The following ANKRD11 variants were observed in gnomAD, a reference collection of about 807,000 sequenced individuals.
The protein encoded by ANKRD11 is ankyrin repeat domain-containing protein 11.
ANKRD11 carries 17 observed loss-of-function variants against 195.7 expected under a neutral mutation model. That is an observed-to-expected ratio of 0.09 (90% CI 0.06 to 0.13). The LOEUF is 0.13. Ranked by LOEUF, ANKRD11 falls within the 10% of genes least tolerant of loss-of-function variation. The pLI, the probability that ANKRD11 is intolerant of heterozygous loss-of-function variation, is 1.00. For synonymous variants in ANKRD11, 1,953 were observed against 1,528.1 expected (o/e 1.28, Z -6.49); for missense variants, 3,735 against 3,566.1 (o/e 1.05, Z -1.21).
intron 9 of ANKRD11, chr16:89,278,434 A>AC: frequency 2.3e-6 from 1 of 432,396 alleles, no homozygotes; most frequent in South Asian, 1.7e-5. Flanking sequence ...TTGGGCCCAG[A>AC]CGTAGCGCAA....
At chr16:89,481,838 C>A (rs773251145) in intron 1 of ANKRD11, among the ~76,000 whole-genome samples, 19 of 152,028 alleles carry the variant, frequency 1.2e-4, no homozygotes, top group Non-Finnish European at 2.5e-4. Flanking sequence ...CCAGCCTTCC[C>A]GAAGTCGAAG....
intron 11 of ANKRD11, chr16:89,273,044 C>CAAAAAAA (rs56277527): frequency 2.8e-4 from 27 of 95,972 alleles, no homozygotes; most frequent in African/African-American, 1.2e-3. Context: ...TAATGGGTAC[C>CAAAAAAA]AAAAAAAAAA....
At chr16:89,483,421 A>G (rs767195330) in intron 1 of ANKRD11, among the ~76,000 whole-genome samples, 6 of 152,248 alleles carry the variant, frequency 3.9e-5, no homozygotes, top group Admixed American at 2.0e-4. Flanking sequence ...TATGCTTAAC[A>G]TTTTACCTGA....
rs934954351 is a variant in ANKRD11 at position 89,420,495 on chromosome 16, T to C, written c.-144-2127A>G. 3 of 152,302 alleles carry C rather than the reference T, an allele frequency of 2.0e-5. No individual in the cohort carries two copies. The East Asian group carries it at 5.8e-4, about 29-fold the overall frequency. 9.4% of individuals were successfully genotyped at this position (152,302 alleles called of 1,614,324 possible). A position where few individuals can be genotyped will look rare whatever the true frequency, so the allele number is the denominator to read the frequency against. ...TGCTGTTTCCCATGTATGAAGAAAC[T>C]GGGCCCAAATCAGGTGAAAGTGAAA... On this transcript the variant is annotated intron_variant, in intron 1 of 12. Coordinates refer to ENST00000301030, the MANE Select transcript of ANKRD11 (RefSeq NM_013275.6).
intron 9 of ANKRD11, chr16:89,278,779 G>A (rs932226528): frequency 3.3e-6 from 2 of 606,828 alleles, no homozygotes; most frequent in South Asian, 1.5e-5. Flanking sequence ...GCGGCGTGAA[G>A]GGGGAGCCCC....
intron 1 of ANKRD11, among the ~76,000 whole-genome samples, chr16:89,446,440 C>T (rs1220716732): frequency 1.3e-5 from 2 of 151,994 alleles, no homozygotes; most frequent in African/African-American, 4.8e-5. Context: ...CCCATCTCTA[C>T]AAAAAACACA....
In ANKRD11 at chr16:89,365,798, T is replaced by C. The variant is rs796958032; in HGVS notation, c.-59-48720A>G. Among the ~76,000 whole-genome samples, 11 of 152,248 alleles carry C rather than the reference T, an allele frequency of 7.2e-5. No individual in the cohort carries two copies. In the South Asian group the frequency reaches 2.3e-3, roughly 32 times the overall value. ...TCATCAGGGTTTGTTGAACAGACTA[T>C]TTCATCACCCAGGTGTTAAGCCCAG... On this transcript the variant is annotated intron_variant, in intron 2 of 12. Coordinates refer to ENST00000301030, the MANE Select transcript of ANKRD11 (RefSeq NM_013275.6).
intron 1 of ANKRD11, among the ~76,000 whole-genome samples, chr16:89,442,708 C>T (rs143009624): frequency 6.6e-6 from 1 of 152,208 alleles, no homozygotes; most frequent in African/African-American, 2.4e-5. Context: ...CACCACCCAC[C>T]AGGAATGTTG....
In ANKRD11 at chr16:89,317,020, C is replaced by T; in HGVS notation, c.-1G>A. 1 of 1,612,956 alleles carries T rather than the reference C, an allele frequency of 6.2e-7. No individual in the cohort carries two copies. Among genetic ancestry groups the T allele is most frequent in the Non-Finnish European group, 8.5e-7 (1 of 1,179,614 alleles). Reference sequence around the variant, plus strand: ...CTTTAGGGCACCCACCCTTGGGCATCGTCCTGCTCCTCACCCGATCTTCAT... The same window carrying T: ...CTTTAGGGCACCCACCCTTGGGCATTGTCCTGCTCCTCACCCGATCTTCAT... On this transcript the variant is annotated 5_prime_UTR_variant, in exon 3 of 13. Transcript: ENST00000301030.
At chr16:89,342,356 C>T (rs978061853) in intron 2 of ANKRD11, among the ~76,000 whole-genome samples, 2 of 152,232 alleles carry the variant, frequency 1.3e-5, no homozygotes, top group African/African-American at 4.8e-5. Context: ...ACCTGAGAGT[C>T]GGAAAACGTT....
At chr16:89,346,987 C>G (rs1344419382) in intron 2 of ANKRD11, among the ~76,000 whole-genome samples, 1 of 152,204 alleles carries the variant, frequency 6.6e-6, no homozygotes, top group Non-Finnish European at 1.5e-5. Flanking sequence ...AAGGCGCGAA[C>G]TGTCTGCGAA....
intron 2 of ANKRD11, among the ~76,000 whole-genome samples, chr16:89,371,397 T>C (rs2040186165): frequency 6.6e-6 from 1 of 152,080 alleles, no homozygotes; most frequent in Non-Finnish European, 1.5e-5. Flanking sequence ...AATCAAGTCA[T>C]TCCCTGCACA....
Position 89,433,731 on chromosome 16 carries a change from G to A in ANKRD11, c.-144-15363C>T, listed in dbSNP as rs567441305. 5.3e-5 allele frequency among the ~76,000 whole-genome samples: 8 copies of A among 150,778 alleles called. No homozygotes were observed. In the South Asian group the frequency reaches 1.5e-3, roughly 28 times the overall value. Reference sequence around the variant, plus strand: ...CACCTTCACGAGAGTAAGAGAGAAGGAACGGGCTTGGACGCAGCAGGGCTG... The same window carrying A: ...CACCTTCACGAGAGTAAGAGAGAAGAAACGGGCTTGGACGCAGCAGGGCTG... On this transcript the variant is annotated intron_variant, in intron 1 of 12. Coordinates refer to ENST00000301030, the MANE Select transcript of ANKRD11 (RefSeq NM_013275.6).
intron 1 of ANKRD11, among the ~76,000 whole-genome samples, chr16:89,476,976 G>A (rs553734352): frequency 9.8e-5 from 15 of 152,306 alleles, no homozygotes; most frequent in Admixed American, 4.6e-4. Context: ...CGAGGAGCTC[G>A]TTAAGCTCAG....
chr16:89,439,757 C>T (rs576942588), intron 1 of ANKRD11, among the ~76,000 whole-genome samples: 4 of 152,230 alleles, frequency 2.6e-5, no homozygotes, highest in Non-Finnish European at 5.9e-5. Context: ...ACACACAACA[C>T]CAAAGGTGTT....
At chr16:89,273,264 C>G (rs149809197) in intron 11 of ANKRD11, among the ~76,000 whole-genome samples, 1 of 152,106 alleles carries the variant, frequency 6.6e-6, no homozygotes, top group African/African-American at 2.4e-5. Flanking sequence ...GTTAGAGGCA[C>G]GAGCTGGTCC....
rs1225474202 is a variant in ANKRD11, at chr16:89,470,638, G to C, written c.-145+19607C>G. ...AGGCAGGTAGATCACAAGGTCAGGAGATCGAGACCATCCTGGCTAACATGG... is the reference window on the plus strand; with the variant it reads ...AGGCAGGTAGATCACAAGGTCAGGACATCGAGACCATCCTGGCTAACATGG... On this transcript the variant is annotated intron_variant, in intron 1 of 12. Coordinates refer to ENST00000301030, the MANE Select transcript of ANKRD11 (RefSeq NM_013275.6). 2.6e-5 allele frequency among the ~76,000 whole-genome samples: 4 copies of C among 152,028 alleles called. No individual in the cohort carries two copies. The East Asian group carries it at 7.9e-4, about 30-fold the overall frequency.
At chr16:89,364,569 T>A (rs770599635) in intron 2 of ANKRD11, among the ~76,000 whole-genome samples, 26 of 152,144 alleles carry the variant, frequency 1.7e-4, no homozygotes, top group Non-Finnish European at 2.5e-4. Context: ...AGCAGAGGTG[T>A]CCAATCTTTT....
At chr16:89,369,844 C>T (rs532684846) in intron 2 of ANKRD11, among the ~76,000 whole-genome samples, 2 of 152,318 alleles carry the variant, frequency 1.3e-5, no homozygotes, top group Admixed American at 6.5e-5. Context: ...ACTGGGGAAG[C>T]TTGGCAATGT....
Sources: allele counts gnomAD v4.1 joint callset (sites outside exome capture counted in the v4.1 genomes callset), GRCh38; gene constraint gnomAD v4.1.1; transcripts MANE v1.5; gene names NCBI Gene and HGNC (gene_info 2026-07-23, HGNC 2026-07-21).